SGCD: variants seen among roughly 807,000 people sequenced by gnomAD.
SGCD encodes delta-sarcoglycan.
Under a neutral mutation model 36.6 loss-of-function variants are expected in SGCD, and 18 were observed. The ratio of observed to expected loss-of-function variants is 0.49; its 90% CI spans 0.34 to 0.73. The LOEUF is 0.73. Among genes scored for constraint, SGCD ranks in the 30% least tolerant of loss-of-function variants. The probability of loss-of-function intolerance (pLI) is 0.01; values close to 1 mark genes in which losing one functional copy is unlikely to be tolerated. For synonymous variants in SGCD, 133 were observed against 130.6 expected (o/e 1.02, Z -0.12); for missense variants, 387 against 346.7 (o/e 1.12, Z -0.92).
At chr5:156,402,582 C>T (rs545383117) in intron 3 of SGCD, among the ~76,000 whole-genome samples, 4 of 152,234 alleles carry the variant, frequency 2.6e-5, no homozygotes, top group Admixed American at 6.5e-5. Context: ...TTCTGGGTGG[C>T]CCTCTAGGTG....
Position 156,289,429 on chromosome 5 carries a change from C to T in SGCD, c.-43-40105C>T, listed in dbSNP as rs991190330. 2.6e-5 allele frequency among the ~76,000 whole-genome samples: 4 copies of T among 151,988 alleles called. No individual in the cohort carries two copies. The East Asian group carries it at 7.7e-4, about 29-fold the overall frequency. ...TCACCTGGGTATTAAGCCCCGTATGCATTAGCTATTTATACTGGGCTCTAC... is the reference window on the plus strand; with the variant it reads ...TCACCTGGGTATTAAGCCCCGTATGTATTAGCTATTTATACTGGGCTCTAC... On this transcript the variant is annotated intron_variant, in intron 3 of 9. Transcript: ENST00000517913.
At chr5:156,013,991 C>T (rs1405076819) in intron 1 of SGCD, among the ~76,000 whole-genome samples, 4 of 151,530 alleles carry the variant, frequency 2.6e-5, no homozygotes, top group Admixed American at 6.6e-5. Flanking sequence ...GATAGGGATG[C>T]AGCTTACTTT....
At chr5:156,669,256 C>T (rs1753192337) in intron 7 of SGCD, among the ~76,000 whole-genome samples, 1 of 152,168 alleles carries the variant, frequency 6.6e-6, no homozygotes, top group South Asian at 2.1e-4. Context: ...ACCAAATCCA[C>T]CGCAGACTTC....
chr5:156,727,044 G>C (rs559151120), intron 7 of SGCD, among the ~76,000 whole-genome samples: 2 of 152,324 alleles, frequency 1.3e-5, no homozygotes, highest in East Asian at 1.9e-4. Flanking sequence ...TGAAGGTAAT[G>C]TTTATTCAGG....
At chr5:155,779,367 G>A in the SGCD span, among the ~76,000 whole-genome samples, 1,595 of 152,148 alleles carry the variant, frequency 0.01, 33 homozygotes, top group African/African-American at 0.037. Context: ...GAGCCTGAGA[G>A]GCTGAGGCTG....
At chr5:155,900,201 C>T (rs1756356903) in intron 1 of SGCD, among the ~76,000 whole-genome samples, 2 of 152,158 alleles carry the variant, frequency 1.3e-5, no homozygotes, top group Admixed American at 1.3e-4. Flanking sequence ...AGTCAAACTA[C>T]TGCAAATACT....
chr5:156,577,872 G>T (rs569121825), intron 4 of SGCD, among the ~76,000 whole-genome samples: 8 of 152,252 alleles, frequency 5.3e-5, no homozygotes, highest in East Asian at 3.9e-4. Flanking sequence ...ACAGGGACAA[G>T]TTGACTTCCT....
At chr5:156,747,320 AACCAC>A (rs1756981766) in intron 7 of SGCD, among the ~76,000 whole-genome samples, 1 of 152,236 alleles carries the variant, frequency 6.6e-6, no homozygotes, top group Non-Finnish European at 1.5e-5. Flanking sequence ...AGCAGTTTAA[AACCAC>A]AGACATTTAT....
At chr5:156,384,959 A>G (rs922386038) in intron 3 of SGCD, among the ~76,000 whole-genome samples, 4 of 152,176 alleles carry the variant, frequency 2.6e-5, no homozygotes, top group African/African-American at 9.7e-5. Context: ...GGCAGGAGAG[A>G]TGGCAGGTTG....
intron 3 of SGCD, among the ~76,000 whole-genome samples, chr5:156,306,486 G>A (rs1437869624): frequency 6.6e-6 from 1 of 152,146 alleles, no homozygotes; most frequent in Non-Finnish European, 1.5e-5. Flanking sequence ...CCAGTTTTGG[G>A]TATGTCTTTA....
intron 5 of SGCD, among the ~76,000 whole-genome samples, chr5:156,590,644 T>C (rs1309298024): frequency 6.6e-6 from 1 of 152,186 alleles, no homozygotes. Context: ...ATTTCCCATT[T>C]ATTTGTAGTG....
intron 3 of SGCD, among the ~76,000 whole-genome samples, chr5:156,358,707 G>C (rs563943586): frequency 6.6e-6 from 1 of 152,322 alleles, no homozygotes; most frequent in South Asian, 2.1e-4. Flanking sequence ...AAAGAAGGCA[G>C]GAAGGGGTGA....
At chr5:156,253,999 T>C (rs1765647094) in intron 3 of SGCD, among the ~76,000 whole-genome samples, 1 of 152,198 alleles carries the variant, frequency 6.6e-6, no homozygotes, top group Non-Finnish European at 1.5e-5. Flanking sequence ...TAATGATTTG[T>C]CTATATATTT....
At chr5:155,946,904 T>A (rs1473548173) in intron 1 of SGCD, among the ~76,000 whole-genome samples, 1 of 152,166 alleles carries the variant, frequency 6.6e-6, no homozygotes, top group Non-Finnish European at 1.5e-5. Context: ...ATATTGAACA[T>A]TTTAAGGGCA....
At chr5:156,539,444 T>C (rs1359751338) in intron 4 of SGCD, among the ~76,000 whole-genome samples, 1 of 151,536 alleles carries the variant, frequency 6.6e-6, no homozygotes, top group East Asian at 1.9e-4. Context: ...AAAAGGCCAT[T>C]ATATCATTCT....
chr5:156,242,887 A>AG (rs1765340375), intron 3 of SGCD, among the ~76,000 whole-genome samples: 1 of 152,142 alleles, frequency 6.6e-6, no homozygotes, highest in Non-Finnish European at 1.5e-5. Context: ...AGGCAGATAG[A>AG]GGGGTCCACA....
chr5:156,197,775 T>C (rs376299805), intron 3 of SGCD, among the ~76,000 whole-genome samples: 25 of 152,172 alleles, frequency 1.6e-4, no homozygotes, highest in African/African-American at 5.8e-4. Context: ...TTTTGTCCTA[T>C]TTATTACCTT....
intron 4 of SGCD, among the ~76,000 whole-genome samples, chr5:156,573,696 T>G (rs1392177592): frequency 6.6e-6 from 1 of 152,132 alleles, no homozygotes; most frequent in African/African-American, 2.4e-5. Flanking sequence ...TGTTATTTTT[T>G]ATTAATTTTT....
chr5:155,755,490 G>T, the SGCD span, among the ~76,000 whole-genome samples: 1 of 152,200 alleles, frequency 6.6e-6, no homozygotes, highest in Admixed American at 6.5e-5. Context: ...TTGGCTCTTT[G>T]CTGTAAATCA....
Sources: allele counts gnomAD v4.1 joint callset (sites outside exome capture counted in the v4.1 genomes callset), GRCh38; gene constraint gnomAD v4.1.1; transcripts MANE v1.5; gene names NCBI Gene and HGNC (gene_info 2026-07-23, HGNC 2026-07-21).